XYLT1: variants seen among roughly 807,000 people sequenced by gnomAD.
The protein encoded by XYLT1 is beta-D-xylosyltransferase 1.
Under a neutral mutation model 91.3 loss-of-function variants are expected in XYLT1, and 36 were observed. The ratio of observed to expected loss-of-function variants is 0.39; its 90% confidence interval spans 0.30 to 0.52. The LOEUF (loss-of-function observed/expected upper bound fraction) is 0.52. Ranked by LOEUF, XYLT1 falls within the 20% of genes least tolerant of loss-of-function variation. XYLT1 has a pLI of 0.68. For synonymous variants in XYLT1, 588 were observed against 532.0 expected (o/e 1.11, Z -1.45); for missense variants, 1,242 against 1,284.5 (o/e 0.97, Z 0.51).
intron 5 of XYLT1, 44 bp from the exon 6 acceptor site, chr16:17,158,953 G>C: frequency 6.4e-7 from 1 of 1,564,106 alleles, no homozygotes; most frequent in Non-Finnish European, 8.8e-7. Context: ...GACACCGTGG[G>C]TACTGTCTTT....
In XYLT1 at chr16:17,470,670, C is replaced by A. The variant is rs1056584111; in HGVS notation, c.127G>T (p.Gly43Trp). Residue 43 changes from glycine (G) to tryptophan (W), a missense_variant, in exon 1 of 12, where the codon GGG (glycine) becomes TGG (tryptophan). Physicochemically the swap from Gly to Trp is radical, Grantham distance 184 (BLOSUM62 -2). Transcript: ENST00000261381. ...WNFSSLDSGA[G>W]ERRGGAAVGG... Reference sequence around the variant, plus strand: ...ACCGCTGCGCCCCCGCGGCGCTCCCCGGCCCCGGAGTCGAGGCTGCTGAAA... The same window carrying A: ...ACCGCTGCGCCCCCGCGGCGCTCCCAGGCCCCGGAGTCGAGGCTGCTGAAA... The A allele has an allele frequency of 1.7e-6, 2 of 1,147,992 alleles. No individual in the cohort carries two copies. Among genetic ancestry groups the A allele is most frequent in the South Asian group, 1.8e-5 (1 of 55,392 alleles). 71.1% of individuals were successfully genotyped at this position (1,147,992 alleles called of 1,614,324 possible).
chr16:17,280,129 T>C (rs1259600088), intron 2 of XYLT1, among the ~76,000 whole-genome samples: 2 of 152,218 alleles, frequency 1.3e-5, no homozygotes, highest in Non-Finnish European at 2.9e-5. Context: ...GGCAGGCAGA[T>C]GACTTGAGGT....
chr16:17,146,906 T>C (rs778504115), intron 6 of XYLT1, among the ~76,000 whole-genome samples: 16 of 152,200 alleles, frequency 1.1e-4, no homozygotes, highest in Non-Finnish European at 7.3e-5. Flanking sequence ...GGTCTTGCTC[T>C]TTCTCTAACA....
intron 3 of XYLT1, among the ~76,000 whole-genome samples, chr16:17,205,602 A>C (rs1187603199): frequency 2.0e-5 from 3 of 152,226 alleles, no homozygotes; most frequent in African/African-American, 7.2e-5. Flanking sequence ...TTATACTGTC[A>C]TAGCCATCAT....
chr16:17,391,953 G>A (rs1270257860), intron 1 of XYLT1, among the ~76,000 whole-genome samples: 5 of 152,148 alleles, frequency 3.3e-5, no homozygotes, highest in Admixed American at 3.3e-4. Context: ...TGACTGCAAG[G>A]CCTCCACAGC....
chr16:17,176,399 C>A (rs2031945754), intron 5 of XYLT1, among the ~76,000 whole-genome samples: 2 of 152,244 alleles, frequency 1.3e-5, no homozygotes, highest in Non-Finnish European at 2.9e-5. Context: ...ACTGATGGTT[C>A]CCATTTTACA....
rs539920729 is a variant in XYLT1, at chr16:17,411,711, T to C, written c.364-53661A>G. 4.6e-4 allele frequency among the ~76,000 whole-genome samples: 70 copies of C among 152,280 alleles called. 2 individuals are homozygous for C. In the South Asian group the frequency reaches 0.013, roughly 29 times the overall value. On this transcript the variant is annotated intron_variant, in intron 1 of 11. Transcript: ENST00000261381. The stretch of plus-strand genomic sequence containing the variant: ...AATAGTTGTAGTTCAACAAGAGCAG[T>C]TGTGGTACATTCGGCTTCACCTTCA...
chr16:17,318,268 GC>G (rs1326834655), intron 2 of XYLT1, among the ~76,000 whole-genome samples: 8 of 152,292 alleles, frequency 5.3e-5, no homozygotes, highest in African/African-American at 1.9e-4. Context: ...CAAAGCCGGG[GC>G]TCTTAACCAC....
chr16:17,349,692 A>G (rs1475145877), intron 2 of XYLT1, among the ~76,000 whole-genome samples: 4 of 150,540 alleles, frequency 2.7e-5, no homozygotes, highest in Non-Finnish European at 5.9e-5. Context: ...TTCCCATAAG[A>G]GATAGTTGTG....
At chr16:17,266,017 A>G (rs2033798401) in intron 2 of XYLT1, among the ~76,000 whole-genome samples, 1 of 152,176 alleles carries the variant, frequency 6.6e-6, no homozygotes, top group South Asian at 2.1e-4. Context: ...TCAATGAACA[A>G]AATTCTGCCA....
intron 1 of XYLT1, among the ~76,000 whole-genome samples, chr16:17,389,865 T>G (rs1409064496): frequency 6.6e-6 from 1 of 152,170 alleles, no homozygotes; most frequent in Non-Finnish European, 1.5e-5. Flanking sequence ...ACCGACAGCT[T>G]AAGCTGCCAC....
chr16:17,136,247 A>ATTGTAAGATTT (rs1437691947), intron 8 of XYLT1, among the ~76,000 whole-genome samples: 2 of 152,202 alleles, frequency 1.3e-5, no homozygotes, highest in African/African-American at 4.8e-5. Context: ...GACTCACACC[A>ATTGTAAGATTT]TTGTAAGATT....
intron 1 of XYLT1, among the ~76,000 whole-genome samples, chr16:17,433,832 A>G (rs1008675590): frequency 2.6e-5 from 4 of 152,150 alleles, no homozygotes; most frequent in African/African-American, 4.8e-5. Context: ...GAAAAAGAAA[A>G]TATCTAAGAT....
intron 3 of XYLT1, chr16:17,250,487 T>C (rs534009523): frequency 6.6e-6 from 1 of 152,370 alleles, no homozygotes; most frequent in South Asian, 2.1e-4. Flanking sequence ...TAAAGTTGAA[T>C]AGCTGAGACA....
intron 2 of XYLT1, among the ~76,000 whole-genome samples, chr16:17,276,725 C>T (rs1267935087): frequency 6.6e-6 from 1 of 152,052 alleles, no homozygotes; most frequent in African/African-American, 2.4e-5. Context: ...CGATGGGCAC[C>T]GTCCGATGAA....
intron 2 of XYLT1, among the ~76,000 whole-genome samples, chr16:17,284,982 G>A (rs565349696): frequency 2.6e-5 from 4 of 152,240 alleles, no homozygotes; most frequent in African/African-American, 9.6e-5. Context: ...GCCACTGGGG[G>A]CTTAAGCAGG....
chr16:17,138,217 G>T, intron 8 of XYLT1, 138 bp downstream of exon 8: 1 of 870,256 alleles, frequency 1.1e-6, no homozygotes, highest in African/African-American at 4.7e-5. Flanking sequence ...TGTTGATACT[G>T]TTAACTATTA....
chr16:17,158,878 G>A lies in XYLT1; in HGVS notation c.1321C>T (p.Arg441Ter), dbSNP rs1164720535. The change falls in exon 6 of 12, where the codon CGA becomes TGA. Residue 441 changes from arginine (R) to a stop codon, truncating the protein, a stop_gained. Coordinates refer to ENST00000261381, the MANE Select transcript of XYLT1 (RefSeq NM_022166.4). LOFTEE classifies it high-confidence loss of function. ...TNDQLVAFLS[R>*]YRDMNFLKSH... ...TTCAAGAAATTCATATCTCGGTATCGGGAGAGAAACGCCACCAACTGGTCA... is the reference window on the plus strand; with the variant it reads ...TTCAAGAAATTCATATCTCGGTATCAGGAGAGAAACGCCACCAACTGGTCA... 3 of 1,613,938 alleles carry A rather than the reference G, an allele frequency of 1.9e-6. No individual in the cohort carries two copies. Among genetic ancestry groups the A allele is most frequent in the African/African-American group, 1.3e-5 (1 of 74,882 alleles).
chr16:17,386,053 G>C (rs919420130), intron 1 of XYLT1, among the ~76,000 whole-genome samples: 3 of 152,158 alleles, frequency 2.0e-5, no homozygotes, highest in Admixed American at 1.3e-4. Flanking sequence ...AATACTGCTT[G>C]TATTGGTATT....
Sources: gnomAD v4.1 joint callset for allele counts (sites outside exome capture counted in the v4.1 genomes callset) on GRCh38, gnomAD v4.1.1 for gene constraint, MANE v1.5 for transcripts, NCBI Gene and HGNC (gene_info 2026-07-23, HGNC 2026-07-21) for gene names.